The following AHNAK variants were observed in gnomAD, a reference collection of about 807,000 sequenced individuals.
AHNAK encodes AHNAK nucleoprotein, also known as neuroblast differentiation-associated protein AHNAK.
A neutral mutation model predicts 37.8 loss-of-function variants in AHNAK; 23 were observed. The ratio of observed to expected loss-of-function variants is 0.61; its 90% confidence interval spans 0.44 to 0.86. The LOEUF (loss-of-function observed/expected upper bound fraction) is 0.86. AHNAK is among the 40% of genes least tolerant of loss of function. The pLI, the probability that AHNAK is intolerant of heterozygous loss-of-function variation, is 0.00. For missense variants in AHNAK, 7,411 were observed against 7,319.4 expected, an observed-to-expected ratio of 1.01 and a Z score of -0.46; for synonymous variants, 2,481 against 2,636.3, an observed-to-expected ratio of 0.94 and a Z score of 1.80.
chr11:62,516,111 G>A lies in AHNAK; in HGVS notation c.*633C>T. On this transcript the variant is annotated 3_prime_UTR_variant, in exon 5 of 5. Coordinates refer to ENST00000378024, the MANE Select transcript of AHNAK (RefSeq NM_001620.3). The stretch of plus-strand genomic sequence containing the variant: ...GGAAGCCCCTCATGTTGAGGGGGTG[G>A]GTTGGACAATTTGCAAACAGATTCT... 2.3e-6 allele frequency: 3 copies of A among 1,278,016 alleles called. No homozygotes were observed. The highest frequency in any genetic ancestry group is 3.1e-6 in the Non-Finnish European group (3 of 981,582). 79.2% of individuals were successfully genotyped at this position (1,278,016 alleles called of 1,614,324 possible).
intron 5 of AHNAK, among the ~76,000 whole-genome samples, chr11:62,472,984 C>T (rs556725719): frequency 9.7e-4 from 138 of 141,644 alleles, no homozygotes; most frequent in African/African-American, 2.8e-3. Context: ...ACTCGGGAGG[C>T]TGAGGCACAA....
chr11:62,514,219 CCACCGT>C (rs1939965217), downstream of AHNAK, among the ~76,000 whole-genome samples: 1 of 152,124 alleles, frequency 6.6e-6, no homozygotes, highest in Admixed American at 6.5e-5. Flanking sequence ...CACACTCACC[CCACCGT>C]CACCCACTTA....
chr11:62,440,189 G>A (rs1236350357), intron 5 of AHNAK, among the ~76,000 whole-genome samples: 1 of 152,146 alleles, frequency 6.6e-6, no homozygotes, highest in African/African-American at 2.4e-5. Context: ...TGGCCGGGAG[G>A]TAGAATCGTG....
At position 62,530,250 on chromosome 11, in the gene AHNAK, C is replaced by T. The variant is rs1190842039; in HGVS notation, c.4167G>A (p.Lys1389=). ...HLKMPKVKMP[K]FSMPGFKGEG... is the part of the protein sequence containing the mutation. ...CTCCTTTGAAGCCGGGCATGCTGAA[C>T]TTGGGCATTTTCACCTTGGGCATCT... is the stretch of plus-strand genomic sequence containing the variant. The change falls in exon 5 of 5, where the codon AAG becomes AAA. Residue 1389 remains lysine, a synonymous_variant. Coordinates refer to ENST00000378024, the MANE Select transcript of AHNAK (RefSeq NM_001620.3). The T allele has an allele frequency of 6.2e-7, 1 of 1,612,800 alleles. No individual in the cohort carries two copies. The highest frequency in any genetic ancestry group is 8.5e-7 in the Non-Finnish European group (1 of 1,179,758).
chr11:62,532,588 A>G lies in AHNAK; in HGVS notation c.1829T>C (p.Val610Ala), dbSNP rs757245646. The G allele has an allele frequency of 3.1e-6, 5 of 1,614,092 alleles. No homozygotes were observed. The highest frequency in any genetic ancestry group is 2.2e-5 in the South Asian group (2 of 91,078). ...VPEVDVRGPK[V>A]DVSAPDVEAH... The stretch of plus-strand genomic sequence containing the variant: ...TTCGACATCTGGGGCACTGACATCC[A>G]CTTTGGGGCCTCTGACATCAACTTC... Residue 610 changes from valine (V) to alanine (A), a missense_variant, in exon 5 of 5, where the codon GTG becomes GCG. Transcript: ENST00000378024.
At position 62,524,501 on chromosome 11, in the gene AHNAK, T is replaced by G. The variant is rs980031074; in HGVS notation, c.9916A>C (p.Lys3306Gln). 1.1e-5 allele frequency: 17 copies of G among 1,614,046 alleles called. No individual in the cohort carries two copies. The highest frequency in any genetic ancestry group is 1.4e-5 in the Non-Finnish European group (16 of 1,180,020). ...PEIDLNLKGS[K>Q]LKGDVDVSGP... ...GAGACATCAACATCTCCCTTAAGCT[T>G]TGAGCCTTTCAAATTCAAGTCAATT... Residue 3306 changes from lysine to glutamine, a missense_variant, in exon 5 of 5, where the codon AAG (lysine) becomes CAG (glutamine). Physicochemically the swap from Lys to Gln is moderately conservative, Grantham distance 53. Transcript: ENST00000378024.
In AHNAK at chr11:62,525,149, T is replaced by A. The variant is rs1940427158; in HGVS notation, c.9268A>T (p.Lys3090Ter). The A allele has an allele frequency of 6.2e-7, 1 of 1,613,966 alleles. No homozygotes were observed. The highest frequency in any genetic ancestry group is 1.7e-5 in the Admixed American group (1 of 59,994). ...KMPEMNIKAPKISMPDIDLNL... is the reference protein window; with the variant it reads ...KMPEMNIKAP ...AGATCAATGTCAGGCATGGAGATCT[T>A]GGGGGCTTTGATGTTCATCTCAGGC... The change falls in exon 5 of 5, where the codon AAG becomes TAG. Residue 3090 changes from lysine (K) to a stop codon, truncating the protein, a stop_gained. Coordinates refer to ENST00000378024, the MANE Select transcript of AHNAK (RefSeq NM_001620.3). LOFTEE classifies it low-confidence loss of function (END_TRUNC).
intron 5 of AHNAK, among the ~76,000 whole-genome samples, chr11:62,481,912 T>A (rs1939284659): frequency 6.6e-6 from 1 of 152,074 alleles, no homozygotes; most frequent in South Asian, 2.1e-4. Context: ...TGCCTTGATG[T>A]TAAGACCTTT....
chr11:62,533,208 T>A lies in AHNAK; in HGVS notation c.1209A>T (p.Gln403His). ...TGGGGCCAGTGATGCTACCCCCAAT[T>A]TGGGGAGCAGAGGCATCCACCCCAA... ...GHIGVDASAP[Q>H]IGGSITGPSV... is the part of the protein sequence containing the mutation. Residue 403 changes from glutamine to histidine, a missense_variant, in exon 5 of 5, where the codon CAA becomes CAT. Physicochemically the swap from Gln to His is conservative, Grantham distance 24 (BLOSUM62 0). Coordinates refer to ENST00000378024, the MANE Select transcript of AHNAK (RefSeq NM_001620.3). 1 of 1,526,980 alleles carries A rather than the reference T, an allele frequency of 6.5e-7. No homozygotes were observed. Among genetic ancestry groups the A allele is most frequent in the South Asian group, 1.3e-5 (1 of 75,312 alleles). 94.6% of individuals were successfully genotyped at this position (1,526,980 alleles called of 1,614,324 possible). A position where few individuals can be genotyped will look rare whatever the true frequency, so the allele number is the denominator to read the frequency against.
chr11:62,479,368 C>T (rs766326837), intron 5 of AHNAK, among the ~76,000 whole-genome samples: 2 of 151,602 alleles, frequency 1.3e-5, no homozygotes, highest in African/African-American at 2.4e-5. Context: ...GGTTTCTCCA[C>T]GTTGGTCAGG....
rs1220524066 is a variant in AHNAK at position 62,516,967 on chromosome 11, TG to T, written c.17449del (p.His5817ThrfsTer4). 4 of 1,614,084 alleles carry T rather than the reference TG, an allele frequency of 2.5e-6. No individual in the cohort carries two copies. Among genetic ancestry groups the T allele is most frequent in the Non-Finnish European group, 3.4e-6 (4 of 1,180,036 alleles). On this transcript the variant is annotated frameshift_variant, in exon 5 of 5. Transcript: ENST00000378024. LOFTEE classifies it high-confidence loss of function. The part of the protein sequence containing the change: ...SLEGGKVKGK[H>X]GKLKFGTFGG... The stretch of plus-strand genomic sequence containing the variant: ...AAAGGTACCGAATTTCAGCTTCCCG[TG>T]TTTCCCTTTAACTTTCCCACCTTCC...
Position 62,518,217 on chromosome 11 carries a change from G to C in AHNAK, c.16200C>G (p.Ser5400Arg), listed in dbSNP as rs150746324. The change falls in exon 5 of 5, where the codon AGC becomes AGG. Residue 5400 changes from serine (S) to arginine (R), a missense_variant. Coordinates refer to ENST00000378024, the MANE Select transcript of AHNAK (RefSeq NM_001620.3). ...PDLSLEASEG[S>R]IKLPKMKLPQ... ...GCAGCTTCATTTTGGGAAGTTTAAT[G>C]CTGCCTTCGGATGCCTCCAAGCTTA... is the stretch of plus-strand genomic sequence containing the variant. 416 of 1,614,170 alleles carry C rather than the reference G, an allele frequency of 2.6e-4. No homozygotes were observed. Among genetic ancestry groups the C allele is most frequent in the Non-Finnish European group, 3.2e-4 (378 of 1,180,020 alleles).
At chr11:62,497,152 TATC>T (rs749164781) in intron 4 of AHNAK, among the ~76,000 whole-genome samples, 3 of 152,206 alleles carry the variant, frequency 2.0e-5, no homozygotes, top group Non-Finnish European at 4.4e-5. Context: ...ATGGGCCTGA[TATC>T]ATCAAAGCCA....
chr11:62,446,166 G>T (rs888974983), intron 5 of AHNAK, among the ~76,000 whole-genome samples: 1 of 152,112 alleles, frequency 6.6e-6, no homozygotes, highest in Admixed American at 6.6e-5. Flanking sequence ...GGGCAGGGAA[G>T]GGAGAAGAAG....
intron 5 of AHNAK, among the ~76,000 whole-genome samples, chr11:62,476,759 G>C (rs758984571): frequency 6.6e-6 from 1 of 152,120 alleles, no homozygotes; most frequent in African/African-American, 2.4e-5. Flanking sequence ...GTCGATGACC[G>C]GTGGTTGGAC....
Position 62,530,879 on chromosome 11 carries a change from C to A in AHNAK, c.3538G>T (p.Gly1180Cys), listed in dbSNP as rs1940717769. ...SLEGPEGKLK[G>C]PKFKMPEMHF... ...ATCTCAGGCATCTTAAACTTGGGAC[C>A]CTTCAGCTTCCCTTCTGGACCTTCG... The change falls in exon 5 of 5, where the codon GGT becomes TGT. Residue 1180 changes from glycine (G) to cysteine (C), a missense_variant. Transcript: ENST00000378024. The A allele has an allele frequency of 6.2e-7, 1 of 1,613,844 alleles. No homozygotes were observed. Among genetic ancestry groups the A allele is most frequent in the Non-Finnish European group, 8.5e-7 (1 of 1,179,982 alleles).
chr11:62,475,601 A>AGTTT (rs1939126267), intron 5 of AHNAK, among the ~76,000 whole-genome samples: 1 of 36,222 alleles, frequency 2.8e-5, no homozygotes, highest in Non-Finnish European at 5.9e-5. Flanking sequence ...GTTATGTTAT[A>AGTTT]CTTTTTTTTT....
chr11:62,535,833 A>C, intron 3 of AHNAK, 112 bp downstream of exon 3: 31 of 1,350,434 alleles, frequency 2.3e-5, no homozygotes, highest in Non-Finnish European at 2.8e-5. Flanking sequence ...GCCACTGGGA[A>C]TGGGCCCTCG....
At chr11:62,491,873 A>T (rs752708174) in intron 4 of AHNAK, 1 of 1,553,272 alleles carries the variant, frequency 6.4e-7, no homozygotes. Context: ...TCATCAAATC[A>T]TCCAATCAAT....
Sources: allele counts gnomAD v4.1 joint callset (sites outside exome capture counted in the v4.1 genomes callset), GRCh38; gene constraint gnomAD v4.1.1; transcripts MANE v1.5; gene names NCBI Gene and HGNC (gene_info 2026-07-23, HGNC 2026-07-21).